DTHD1: variants seen among roughly 807,000 people sequenced by gnomAD.
DTHD1 encodes the protein death domain containing 1, also known as death domain-containing protein 1.
In DTHD1, 59 loss-of-function variants were observed where a neutral mutation model predicts 74.8. That is an observed-to-expected ratio of 0.79 (90% confidence interval 0.64 to 0.98). The LOEUF is 0.98. Among genes scored for constraint, DTHD1 ranks in the 50% least tolerant of loss-of-function variants. The pLI is 0.00. For synonymous variants in DTHD1, 365 were observed against 371.1 expected (o/e 0.98, Z 0.19); for missense variants, 1,051 against 1,065.4 (o/e 0.99, Z 0.19).
In DTHD1 at chr4:36,290,654, C is replaced by T; in HGVS notation, c.1169C>T (p.Ser390Leu). 6.5e-7 allele frequency: 1 copy of T among 1,546,088 alleles called. No individual in the cohort carries two copies. Among genetic ancestry groups the T allele is most frequent in the Non-Finnish European group, 8.7e-7 (1 of 1,146,898 alleles). Residue 390 changes from serine (S) to leucine (L), a missense_variant, in exon 3 of 10, where the codon TCA becomes TTA. Transcript: ENST00000639862. ...MVKVCDINLQ[S>L]SYLNPNSLEG... ...AAAGTGTGTGACATAAACCTTCAAT[C>T]AAGTTACCTAAACCCAAATTCACTA... is the stretch of plus-strand genomic sequence containing the variant.
At chr4:36,317,731 CTGAT>C (rs1456076018) in intron 8 of DTHD1, among the ~76,000 whole-genome samples, 1 of 151,974 alleles carries the variant, frequency 6.6e-6, no homozygotes, top group Non-Finnish European at 1.5e-5. Context: ...AAAATAGTAA[CTGAT>C]TGAAGTTATA....
At position 36,281,693 on chromosome 4, in the gene DTHD1, A is replaced by G. The variant is rs1393574475; in HGVS notation, c.-66A>G. 1.6e-6 allele frequency: 2 copies of G among 1,234,032 alleles called. No homozygotes were observed. The highest frequency in any genetic ancestry group is 3.1e-5 in the African/African-American group (2 of 64,518). The allele number at this position is 1,234,032 out of a possible 1,614,324, so 76.4% of individuals were successfully genotyped here. ...AGTTTAGGAGAAATAACAATCACAA[A>G]GTTTGAATTTGCAAAACCTTTAGGC... On this transcript the variant is annotated 5_prime_UTR_variant, in exon 1 of 10. Transcript: ENST00000639862.
At chr4:36,311,717 GTCCTGCTGGTGGGCAGCATTCAGTCTCCA>G (rs1327320703) in intron 7 of DTHD1, 1 of 152,076 alleles carries the variant, frequency 6.6e-6, no homozygotes, top group Non-Finnish European at 1.5e-5. Context: ...TGGAGGCACT[GTCCTGCTGGTGGGCAGCATTCAGTCTCCA>G]TCCTATTGGA....
chr4:36,282,114 T>G, intron 1 of DTHD1, 85 bp downstream of exon 1: 1 of 1,104,708 alleles, frequency 9.1e-7, no homozygotes, highest in Non-Finnish European at 1.2e-6. Context: ...GTATACCAGA[T>G]AGGCTAAGAT....
At chr4:36,334,358 G>GTTTTTTT (rs34455692) in intron 8 of DTHD1, among the ~76,000 whole-genome samples, 3 of 138,906 alleles carry the variant, frequency 2.2e-5, no homozygotes, top group Non-Finnish European at 3.1e-5. Flanking sequence ...ATTTTTTTTG[G>GTTTTTTT]TTTTTTTTTT....
chr4:36,311,817 T>A (rs953565750), intron 7 of DTHD1: 1 of 152,138 alleles, frequency 6.6e-6, no homozygotes, highest in African/African-American at 2.4e-5. Flanking sequence ...AACTCAGTAT[T>A]CATTGAAAGA....
chr4:36,337,001 G>A (rs558334654), intron 8 of DTHD1, among the ~76,000 whole-genome samples: 55 of 152,232 alleles, frequency 3.6e-4, no homozygotes, highest in Admixed American at 7.2e-4. Flanking sequence ...TGCTAAGGAA[G>A]GCATCCAGTG....
At chr4:36,310,936 C>G (rs569565216) in intron 7 of DTHD1, among the ~76,000 whole-genome samples, 1 of 152,124 alleles carries the variant, frequency 6.6e-6, no homozygotes, top group African/African-American at 2.4e-5. Flanking sequence ...GAAACCACAG[C>G]GTCCACCCTG....
chr4:36,284,685 A>G (rs1560783005), intron 2 of DTHD1, 94 bp downstream of exon 2: 2 of 979,214 alleles, frequency 2.0e-6, no homozygotes, highest in East Asian at 2.7e-5. Context: ...AGGCTGCTAC[A>G]ACAAAACATC....
At position 36,293,515 on chromosome 4, in the gene DTHD1, A is replaced by T. The variant is rs1365642665; in HGVS notation, c.1219-11A>T. On this transcript the variant is annotated splice_polypyrimidine_tract_variant and intron_variant, in intron 3 of 9. Transcript: ENST00000639862. Reference sequence around the variant, plus strand: ...GCTATAGCTTATTTTAATGTTCTTTATTCTATACAGGGGACCTGTGCTTCA... The same window carrying T: ...GCTATAGCTTATTTTAATGTTCTTTTTTCTATACAGGGGACCTGTGCTTCA... The T allele has an allele frequency of 5.3e-6, 8 of 1,509,112 alleles. No homozygotes were observed. The highest frequency in any genetic ancestry group is 2.2e-5 in the Admixed American group (1 of 46,510). 93.5% of individuals were successfully genotyped at this position (1,509,112 alleles called of 1,614,324 possible).
At chr4:36,304,127 G>C (rs1756919638) in intron 5 of DTHD1, among the ~76,000 whole-genome samples, 1 of 152,146 alleles carries the variant, frequency 6.6e-6, no homozygotes, top group Non-Finnish European at 1.5e-5. Context: ...TGGGAGTAGG[G>C]ACCAGCCCCA....
chr4:36,331,258 C>A (rs1436590597), intron 8 of DTHD1, among the ~76,000 whole-genome samples: 1 of 151,822 alleles, frequency 6.6e-6, no homozygotes, highest in East Asian at 1.9e-4. Context: ...AAAGGGTATG[C>A]TGAATTTTAT....
In DTHD1 at chr4:36,293,638, T is replaced by G. The variant is rs372924892; in HGVS notation, c.1331T>G (p.Met444Arg). The change falls in exon 4 of 10, where the codon ATG (methionine) becomes AGG (arginine). Residue 444 changes from methionine (M) to arginine (R), a missense_variant. Physicochemically the swap from Met to Arg is moderately conservative, Grantham distance 91 (BLOSUM62 -1). Transcript: ENST00000639862. ...TKKGLALKSS[M>R]DSRISLNYPP... ...AAAGGCCTCGCTCTTAAGTCAAGCA[T>G]GGATTCCCGAATATCCTTAAATTAC... is the stretch of plus-strand genomic sequence containing the variant. The G allele has an allele frequency of 1.3e-6, 2 of 1,548,122 alleles. No homozygotes were observed. Among genetic ancestry groups the G allele is most frequent in the African/African-American group, 2.7e-5 (2 of 72,974 alleles).
At chr4:36,294,764 A>T (rs943813843) in intron 4 of DTHD1, 31 bp from the exon 5 acceptor site, 2 of 1,487,750 alleles carry the variant, frequency 1.3e-6, no homozygotes, top group African/African-American at 2.8e-5. Flanking sequence ...TTTTCTATTA[A>T]AACATAAGAA....
intron 5 of DTHD1, among the ~76,000 whole-genome samples, chr4:36,303,735 G>A (rs1756900900): frequency 6.6e-6 from 1 of 152,134 alleles, no homozygotes; most frequent in African/African-American, 2.4e-5. Context: ...ATTAGCCTAG[G>A]TTATGGCATG....
chr4:36,282,115 A>G (rs1755436840), intron 1 of DTHD1, 86 bp downstream of exon 1: 8 of 1,109,002 alleles, frequency 7.2e-6, no homozygotes, highest in Non-Finnish European at 9.6e-6. Flanking sequence ...TATACCAGAT[A>G]GGCTAAGATA....
rs1378082655 is a variant in DTHD1, at chr4:36,344,067, C to T, written c.*243C>T. On this transcript the variant is annotated 3_prime_UTR_variant, in exon 10 of 10. Coordinates refer to ENST00000639862, the MANE Select transcript of DTHD1 (RefSeq NM_001170700.3). ...GCAACCATGACTGTCTTGAGTTTGG[C>T]CTCACTTAATAGCATTTGCAATTGA... The T allele has an allele frequency of 2.1e-5, 10 of 469,078 alleles. No homozygotes were observed. The highest frequency in any genetic ancestry group is 3.9e-5 in the African/African-American group (2 of 51,624). The allele number at this position is 469,078 out of a possible 1,614,324, so 29.1% of individuals were successfully genotyped here.
chr4:36,294,069 A>G (rs1243578777), intron 4 of DTHD1, among the ~76,000 whole-genome samples: 4 of 151,966 alleles, frequency 2.6e-5, no homozygotes, highest in Admixed American at 2.0e-4. Context: ...ATGACAAAAA[A>G]GAGGACAATC....
intron 2 of DTHD1, among the ~76,000 whole-genome samples, chr4:36,286,130 A>C (rs905528342): frequency 6.6e-6 from 1 of 152,230 alleles, no homozygotes; most frequent in Non-Finnish European, 1.5e-5. Flanking sequence ...TCTATGGTTG[A>C]GGATATTCAG....
Sources: gnomAD v4.1 joint callset for allele counts (sites outside exome capture counted in the v4.1 genomes callset) on GRCh38, gnomAD v4.1.1 for gene constraint, MANE v1.5 for transcripts, NCBI Gene and HGNC (gene_info 2026-07-23, HGNC 2026-07-21) for gene names.